The following DNMT1 variants were observed in gnomAD, a reference collection of about 807,000 sequenced individuals.
The protein encoded by DNMT1 is DNA (cytosine-5)-methyltransferase 1.
In DNMT1, 24 loss-of-function variants were observed where a neutral mutation model predicts 205.3. The observed-to-expected ratio is 0.12, with a 90% CI of 0.08 to 0.16. The LOEUF is 0.16. Ranked by LOEUF, DNMT1 falls within the 10% of genes least tolerant of loss-of-function variation. The pLI is 1.00. For missense variants in DNMT1, 1,293 were observed against 2,177.7 expected (o/e 0.59, Z 8.09); for synonymous variants, 817 against 839.8 (o/e 0.97, Z 0.47).
intron 1 of DNMT1, among the ~76,000 whole-genome samples, chr19:10,186,838 C>CAAAAAAAAAAAAAAAAAAAAAAA (rs35238334): frequency 1.3e-4 from 9 of 70,684 alleles, no homozygotes; most frequent in African/African-American, 5.3e-4. Flanking sequence ...AACTCCGTCT[C>CAAAAAAAAAAAAAAAAAAAAAAA]AAAAAAAAAA....
At chr19:10,149,414 C>G (rs201415876) in intron 26 of DNMT1, 39 bp downstream of exon 26, 1 of 1,609,662 alleles carries the variant, frequency 6.2e-7, no homozygotes, top group Non-Finnish European at 8.5e-7. Flanking sequence ...TGACCCTCCA[C>G]GATAAGGCAG....
chr19:10,141,128 T>C lies in DNMT1; in HGVS notation c.3371A>G (p.Asn1124Ser), dbSNP rs933543639. The change falls in exon 31 of 41, where the codon AAC becomes AGC. Residue 1124 changes from asparagine (N) to serine (S), a missense_variant. This residue lies in a region of DNMT1 where 167 missense variants were observed against 258.1 expected (regional missense o/e 0.65). Coordinates refer to ENST00000359526, the MANE Select transcript of DNMT1 (RefSeq NM_001130823.3). ...ACCTTTTCCCTTGCCCTTCCCTTTG[T>C]TTCCAGGGCTACGGGCATGGTTGGG... ...DPPNHARSPG[N>S]KGKGKGKGKG... 6.2e-7 allele frequency: 1 copy of C among 1,614,066 alleles called. No homozygotes were observed. Among genetic ancestry groups the C allele is most frequent in the Non-Finnish European group, 8.5e-7 (1 of 1,180,042 alleles).
intron 30 of DNMT1, chr19:10,141,798 C>T (rs2089605260): frequency 1.7e-6 from 1 of 573,542 alleles, no homozygotes; most frequent in Admixed American, 3.1e-5. Flanking sequence ...TTTTTAAAAA[C>T]CAGGAGTGTT....
chr19:10,194,486 A>G (rs8112895), intron 1 of DNMT1: 28,596 of 221,016 alleles, frequency 0.13, 2,871 homozygotes, highest in East Asian at 0.39. Flanking sequence ...GCTGGAGTCA[A>G]GAGCCCGGCC....
chr19:10,175,395 C>T (rs953801311), intron 7 of DNMT1, 145 bp downstream of exon 7: 3 of 808,226 alleles, frequency 3.7e-6, no homozygotes, highest in East Asian at 2.6e-5. Context: ...CACACATATA[C>T]ATTCTATTGG....
chr19:10,182,832 T>C (rs2039097107), intron 1 of DNMT1, among the ~76,000 whole-genome samples: 1 of 151,044 alleles, frequency 6.6e-6, no homozygotes, highest in African/African-American at 2.4e-5. Context: ...GCCTCGTTAA[T>C]TTTTTGTATT....
rs2089581123 is a variant in DNMT1 at position 10,140,522 on chromosome 19, A to T, written c.3524-194T>A. On this transcript the variant is annotated intron_variant, in intron 32 of 40. Transcript: ENST00000359526. This position sits in a 1 kb window ranked among gnomAD's most constrained non-coding sequence, Gnocchi z 8.4. ...GTAGCTGGGACTACAGGCACACACC[A>T]CCACGCCCAGCTAATTTTTGTATTC... The T allele has an allele frequency of 1.1e-6, 1 of 917,652 alleles. No homozygotes were observed. The highest frequency in any genetic ancestry group is 2.4e-5 in the Admixed American group (1 of 42,278). The allele number at this position is 917,652 out of a possible 1,614,324, so 56.8% of individuals were successfully genotyped here. A position where few individuals can be genotyped will look rare whatever the true frequency, so the allele number is the denominator to read the frequency against.
intron 1 of DNMT1, among the ~76,000 whole-genome samples, chr19:10,192,876 G>A (rs573703418): frequency 4.4e-4 from 67 of 152,010 alleles, no homozygotes; most frequent in African/African-American, 1.5e-3. Context: ...GAGAAACCCC[G>A]ACTCCACTGA....
chr19:10,156,292 TG>T lies in DNMT1; in HGVS notation c.1399+98del. 1.0e-6 allele frequency: 1 copy of T among 952,510 alleles called. No homozygotes were observed. The highest frequency in any genetic ancestry group is 1.7e-6 in the Non-Finnish European group (1 of 589,772). The allele number at this position is 952,510 out of a possible 1,614,324, so 59.0% of individuals were successfully genotyped here. A position where few individuals can be genotyped will look rare whatever the true frequency, so the allele number is the denominator to read the frequency against. ...AAACTCCCGGGCTCAAGTGATCCTC[TG>T]GCCTCAGACCCCCAAAGTGCTAGGA... On this transcript the variant is annotated intron_variant, in intron 18 of 40. Coordinates refer to ENST00000359526, the MANE Select transcript of DNMT1 (RefSeq NM_001130823.3). The surrounding 1 kb of genome is among the most constrained non-coding windows in gnomAD (Gnocchi z 4.2).
At position 10,168,330 on chromosome 19, in the gene DNMT1, G is replaced by T. The variant is rs779634956; in HGVS notation, c.803C>A (p.Pro268Gln). The change falls in exon 10 of 41, where the codon CCA (proline) becomes CAA (glutamine). Residue 268 changes from proline to glutamine, a missense_variant and splice_region_variant. Physicochemically the swap from Pro to Gln is moderately conservative, Grantham distance 76 (BLOSUM62 -1). Around this residue, in one of 13 missense-constraint regions of DNMT1, gnomAD observed 394 missense variants for 451.6 expected, o/e 0.87. Transcript: ENST00000359526. ...ACAAAGGCAGGTTCGCTGCACTTACGGTTCTTTGGTTTGACTTCGGAGTCT... is the reference window on the plus strand; with the variant it reads ...ACAAAGGCAGGTTCGCTGCACTTACTGTTCTTTGGTTTGACTTCGGAGTCT... ...EKRLRSQTKE[P>Q]TPKQKLKEEP... The T allele has an allele frequency of 1.2e-6, 2 of 1,614,056 alleles. No individual in the cohort carries two copies. Among genetic ancestry groups the T allele is most frequent in the Non-Finnish European group, 1.7e-6 (2 of 1,180,002 alleles).
In DNMT1 at chr19:10,156,778, C is replaced by T. The variant is rs1234178720; in HGVS notation, c.1281-269G>A. On this transcript the variant is annotated intron_variant, in intron 17 of 40. Transcript: ENST00000359526. This position sits in a 1 kb window ranked among gnomAD's most constrained non-coding sequence, Gnocchi z 4.2. ...GATTACAGGCCTGAACCACCATGCCCGGCTAATTGTTGTATTTTTAGTAGG... is the reference window on the plus strand; with the variant it reads ...GATTACAGGCCTGAACCACCATGCCTGGCTAATTGTTGTATTTTTAGTAGG... 1.3e-5 allele frequency among the ~76,000 whole-genome samples: 2 copies of T among 151,852 alleles called. No homozygotes were observed. Among genetic ancestry groups the T allele is most frequent in the African/African-American group, 2.4e-5 (1 of 41,322 alleles).
At chr19:10,149,338 A>G in intron 26 of DNMT1, 115 bp downstream of exon 26, 1 of 1,385,100 alleles carries the variant, frequency 7.2e-7, no homozygotes, top group East Asian at 2.3e-5. Flanking sequence ...AACAAAAAAA[A>G]AAACAAAAAA....
Position 10,151,977 on chromosome 19 carries a change from T to G in DNMT1, c.2020-130A>C. On this transcript the variant is annotated intron_variant, in intron 22 of 40. Coordinates refer to ENST00000359526, the MANE Select transcript of DNMT1 (RefSeq NM_001130823.3). The surrounding 1 kb of genome is among the most constrained non-coding windows in gnomAD (Gnocchi z 5.0). ...GAATTGCAGACCAGCCTGGCCAACG[T>G]GGTGAAACCCCATCTCTACTAAAAA... The G allele has an allele frequency of 1.3e-6, 1 of 797,920 alleles. No homozygotes were observed. Among genetic ancestry groups the G allele is most frequent in the South Asian group, 1.4e-5 (1 of 71,632 alleles). The allele number at this position is 797,920 out of a possible 1,614,324, so 49.4% of individuals were successfully genotyped here.
At chr19:10,171,532 G>A (rs1283012799) in intron 9 of DNMT1, among the ~76,000 whole-genome samples, 2 of 152,112 alleles carry the variant, frequency 1.3e-5, no homozygotes, top group Non-Finnish European at 1.5e-5. Flanking sequence ...TTGGCTAGGC[G>A]CGGTGGTTCA....
At chr19:10,139,541 G>A (rs1429819232) in intron 34 of DNMT1, 135 bp downstream of exon 34, 7 of 1,456,318 alleles carry the variant, frequency 4.8e-6, no homozygotes, top group Admixed American at 2.0e-5. Flanking sequence ...CAGTGGGACA[G>A]AGCACCATGC....
rs1487562713 is a variant in DNMT1, at chr19:10,155,874, C to A, written c.1471G>T (p.Ala491Ser). The change falls in exon 19 of 41, where the codon GCC (alanine) becomes TCC (serine). Residue 491 changes from alanine (A) to serine (S), a missense_variant. Physicochemically the swap from Ala to Ser is moderately conservative, Grantham distance 99. Transcript: ENST00000359526. ...WITGFDGGEK[A>S]LIGFSTSFAE... ...TTACAGGTGCTGAAGCCGATGAGGG[C>A]CTTTTCACCTCCATCAAAGCCAGTG... 1 of 1,613,810 alleles carries A rather than the reference C, an allele frequency of 6.2e-7. No individual in the cohort carries two copies. The highest frequency in any genetic ancestry group is 8.5e-7 in the Non-Finnish European group (1 of 1,179,870).
chr19:10,155,952 C>T lies in DNMT1; in HGVS notation c.1400-7G>A, dbSNP rs376210686. The T allele has an allele frequency of 6.2e-7, 1 of 1,612,102 alleles. No homozygotes were observed. The highest frequency in any genetic ancestry group is 2.2e-5 in the East Asian group (1 of 44,846). On this transcript the variant is annotated splice_region_variant and splice_polypyrimidine_tract_variant and intron_variant, in intron 18 of 40. Transcript: ENST00000359526. ...TTTTTGCCATTAACACCACCTAGAG[C>T]AGAAAAAGGAAATGGACTAAAGGCT...
At chr19:10,174,147 C>T (rs573173963) in intron 7 of DNMT1, among the ~76,000 whole-genome samples, 40 of 152,296 alleles carry the variant, frequency 2.6e-4, no homozygotes, top group Non-Finnish European at 5.6e-4. Context: ...CACTAGAGAT[C>T]GCCTGGTGAT....
intron 1 of DNMT1, among the ~76,000 whole-genome samples, chr19:10,190,764 CAAAAATAAAA>C (rs1382004849): frequency 7.7e-6 from 1 of 130,138 alleles, no homozygotes; most frequent in Middle Eastern, 3.7e-3. Context: ...GACTCTGTCT[CAAAAATAAAA>C]TAAAATAAAA....
Sources: allele counts gnomAD v4.1 joint callset (sites outside exome capture counted in the v4.1 genomes callset), GRCh38; gene constraint gnomAD v4.1.1; regional missense constraint gnomAD v4.1.1; non-coding constraint Gnocchi (gnomAD v3.1); transcripts MANE v1.5; gene names NCBI Gene and HGNC (gene_info 2026-07-23, HGNC 2026-07-21).